The following EDIL3 variants were observed in gnomAD, a reference collection of about 807,000 sequenced individuals.
EDIL3 encodes EGF-like repeat and discoidin I-like domain-containing protein 3.
In EDIL3, 37 loss-of-function variants were observed where a neutral mutation model predicts 67.4. That is an observed-to-expected ratio of 0.55 (90% CI 0.42 to 0.72). EDIL3 has a LOEUF of 0.72. EDIL3 is among the 30% of genes least tolerant of loss of function. The pLI is 0.00. For missense variants in EDIL3, 527 were observed against 586.3 expected (o/e 0.90, Z 1.04); for synonymous variants, 195 against 196.3 (o/e 0.99, Z 0.05).
intron 1 of EDIL3, among the ~76,000 whole-genome samples, chr5:84,332,372 C>T (rs1746891197): frequency 1.3e-5 from 2 of 151,926 alleles, no homozygotes; most frequent in Admixed American, 6.6e-5. Context: ...AATCTGTCTC[C>T]AAAAAAAGTT....
chr5:84,092,793 GGA>G (rs200342678), intron 6 of EDIL3, among the ~76,000 whole-genome samples: 7,756 of 77,176 alleles, frequency 0.1, 674 homozygotes, highest in African/African-American at 0.27. Context: ...TAACATTTGA[GGA>G]AAAAAAAAAC....
At chr5:84,257,526 G>C (rs1253364360) in intron 1 of EDIL3, among the ~76,000 whole-genome samples, 1 of 152,154 alleles carries the variant, frequency 6.6e-6, no homozygotes, top group Non-Finnish European at 1.5e-5. Flanking sequence ...GTAGAATCAA[G>C]ATGATATTTT....
intron 6 of EDIL3, among the ~76,000 whole-genome samples, chr5:84,089,324 C>A (rs1480330913): frequency 1.3e-5 from 2 of 152,186 alleles, no homozygotes; most frequent in Non-Finnish European, 2.9e-5. Context: ...CCAAGTTAAT[C>A]AAAAAGCCGA....
Position 84,141,956 on chromosome 5 carries a change from T to G in EDIL3, c.356-4602A>C, listed in dbSNP as rs201277540. 9.4e-4 allele frequency among the ~76,000 whole-genome samples: 61 copies of G among 65,024 alleles called. 1 individual carries two copies. Among genetic ancestry groups the G allele is most frequent in the East Asian group, 5.3e-3 (3 of 570 alleles). The allele number at this position is 65,024 out of a possible 152,430, so 42.7% of individuals were successfully genotyped here. A position where few individuals can be genotyped will look rare whatever the true frequency, so the allele number is the denominator to read the frequency against. Reference sequence around the variant, plus strand: ...ATATATATATATATATACATAGATCTATCTATCTATCTATCTATCTATCTA... The same window carrying G: ...ATATATATATATATATACATAGATCGATCTATCTATCTATCTATCTATCTA... On this transcript the variant is annotated intron_variant, in intron 4 of 10. Coordinates refer to ENST00000296591, the MANE Select transcript of EDIL3 (RefSeq NM_005711.5).
intron 6 of EDIL3, among the ~76,000 whole-genome samples, chr5:84,087,183 T>C (rs1747089182): frequency 6.6e-6 from 1 of 152,248 alleles, no homozygotes; most frequent in African/African-American, 2.4e-5. Context: ...TAAATATTTG[T>C]TGAATTATTG....
chr5:84,283,017 T>C (rs112634432), intron 1 of EDIL3, among the ~76,000 whole-genome samples: 1 of 152,128 alleles, frequency 6.6e-6, no homozygotes, highest in African/African-American at 2.4e-5. Context: ...TATAAAAGGG[T>C]ATAAATAAAA....
At chr5:83,951,678 A>T (rs1420598699) in intron 10 of EDIL3, among the ~76,000 whole-genome samples, 7 of 151,734 alleles carry the variant, frequency 4.6e-5, no homozygotes, top group Non-Finnish European at 1.0e-4. Context: ...GTTTGGGAAC[A>T]TATTTCTTCA....
intron 1 of EDIL3, among the ~76,000 whole-genome samples, chr5:84,354,584 G>T (rs1747437646): frequency 6.6e-6 from 1 of 150,624 alleles, no homozygotes; most frequent in Non-Finnish European, 1.5e-5. Context: ...TTGAACCTGG[G>T]AGGAGGAGGT....
intron 3 of EDIL3, among the ~76,000 whole-genome samples, chr5:84,217,075 A>C (rs906830892): frequency 2.0e-4 from 30 of 152,040 alleles, no homozygotes; most frequent in Non-Finnish European, 3.2e-4. Context: ...AAATCTCCAC[A>C]ACAGTAAGTA....
At chr5:84,360,368 A>G (rs1747571720) in intron 1 of EDIL3, among the ~76,000 whole-genome samples, 1 of 152,220 alleles carries the variant, frequency 6.6e-6, no homozygotes, top group Non-Finnish European at 1.5e-5. Context: ...ATCTTTTTGT[A>G]CAGCCTTCCC....
At chr5:84,145,564 C>T (rs1748277820) in intron 4 of EDIL3, among the ~76,000 whole-genome samples, 1 of 152,024 alleles carries the variant, frequency 6.6e-6, no homozygotes, top group Non-Finnish European at 1.5e-5. Context: ...TCTAAAATTT[C>T]ATTACTGGTA....
At chr5:84,041,567 GTATA>G (rs201899474) in intron 9 of EDIL3, among the ~76,000 whole-genome samples, 6,944 of 146,556 alleles carry the variant, frequency 0.047, 234 homozygotes, top group Middle Eastern at 0.13. Context: ...TACATATATA[GTATA>G]TATATGTATA....
chr5:83,973,183 T>TGAATTTTTTATTCATGTAATAAGTCAA (rs1744821687), intron 9 of EDIL3, among the ~76,000 whole-genome samples: 1 of 152,094 alleles, frequency 6.6e-6, no homozygotes, highest in Non-Finnish European at 1.5e-5. Flanking sequence ...TGATTTTGAT[T>TGAATTTTTTATTCATGTAATAAGTCAA]AGTCTGGGGA....
chr5:84,259,826 C>A (rs1383995303), intron 1 of EDIL3, among the ~76,000 whole-genome samples: 2 of 152,066 alleles, frequency 1.3e-5, no homozygotes, highest in African/African-American at 2.4e-5. Context: ...AGTGTGTGAG[C>A]ACCTATAAAA....
chr5:84,064,084 T>C (rs745848368), intron 8 of EDIL3, among the ~76,000 whole-genome samples: 42 of 152,254 alleles, frequency 2.8e-4, no homozygotes, highest in Non-Finnish European at 4.9e-4. Context: ...TCTGAGTCCT[T>C]TGATAGGTTA....
chr5:84,245,500 AG>A (rs1744890840), intron 2 of EDIL3, among the ~76,000 whole-genome samples: 1 of 152,188 alleles, frequency 6.6e-6, no homozygotes, highest in Non-Finnish European at 1.5e-5. Flanking sequence ...TGGATACCAT[AG>A]TTTATGGTGC....
intron 1 of EDIL3, among the ~76,000 whole-genome samples, chr5:84,371,158 T>G (rs922011634): frequency 6.6e-6 from 1 of 151,096 alleles, no homozygotes; most frequent in Non-Finnish European, 1.5e-5. Context: ...GACAGAATAA[T>G]AACAGGGAAA....
intron 9 of EDIL3, chr5:84,048,215 C>G (rs1385264019): frequency 4.7e-6 from 2 of 427,970 alleles, no homozygotes; most frequent in African/African-American, 4.1e-5. Flanking sequence ...TTCATATTGA[C>G]AAATGTTTCC....
At chr5:84,065,024 C>T (rs551682387) in intron 7 of EDIL3, among the ~76,000 whole-genome samples, 180 bp from the exon 8 acceptor site, 1 of 152,268 alleles carries the variant, frequency 6.6e-6, no homozygotes, top group Admixed American at 6.5e-5. Flanking sequence ...CAACCATAAA[C>T]TCCTAATTAA....
Sources: allele counts gnomAD v4.1 joint callset (sites outside exome capture counted in the v4.1 genomes callset), GRCh38; gene constraint gnomAD v4.1.1; transcripts MANE v1.5; gene names NCBI Gene and HGNC (gene_info 2026-07-23, HGNC 2026-07-21).